SLK: variants seen among roughly 807,000 people sequenced by gnomAD.
The protein encoded by SLK is STE20-like serine/threonine-protein kinase.
SLK carries 67 observed loss-of-function variants against 147.7 expected under a neutral mutation model. That is an observed-to-expected ratio of 0.45 (90% CI 0.37 to 0.56). The LOEUF (loss-of-function observed/expected upper bound fraction) is 0.56, where lower values mean the gene tolerates loss of function less well. Among genes scored for constraint, SLK ranks in the 20% least tolerant of loss-of-function variants. The pLI is 0.00. For synonymous variants in SLK, 441 were observed against 475.0 expected (o/e 0.93, Z 0.93); for missense variants, 1,136 against 1,438.8 (o/e 0.79, Z 3.41).
rs758182993 is a variant in SLK at position 104,025,751 on chromosome 10, C to G, written c.*31C>G. ...GGAAGCATTCTGTGCGTGGGTTTGG[C>G]TCTTTCAGTATGTCATTCTGTTCTC... On this transcript the variant is annotated 3_prime_UTR_variant, in exon 19 of 19. Coordinates refer to ENST00000369755, the MANE Select transcript of SLK (RefSeq NM_014720.4). 1.9e-6 allele frequency: 3 copies of G among 1,602,684 alleles called. No individual in the cohort carries two copies. The African/African-American group carries it at 4.0e-5, about 21-fold the overall frequency.
At chr10:104,016,145 C>T (rs996966503) in intron 13 of SLK, among the ~76,000 whole-genome samples, 16 of 152,028 alleles carry the variant, frequency 1.1e-4, no homozygotes, top group South Asian at 2.1e-4. Context: ...GGTGAAACCC[C>T]GTCTCTACTA....
intron 1 of SLK, among the ~76,000 whole-genome samples, chr10:103,968,116 A>G (rs4917407): frequency 0.84 from 127,334 of 152,196 alleles, 53,370 homozygotes; most frequent in East Asian, 0.9. Context: ...CGATTGGAAA[A>G]GGAGACAGGG....
chr10:104,000,365 A>G (rs1844229468), intron 7 of SLK, among the ~76,000 whole-genome samples: 1 of 152,240 alleles, frequency 6.6e-6, no homozygotes, highest in Non-Finnish European at 1.5e-5. Context: ...CTTGTAATAT[A>G]TTAATTAAAA....
At chr10:104,008,116 A>G in intron 11 of SLK, 61 bp from the exon 12 acceptor site, 1 of 1,253,520 alleles carries the variant, frequency 8.0e-7, no homozygotes, top group South Asian at 1.4e-5. Context: ...AAACATCTTT[A>G]CTATAAGGTA....
intron 11 of SLK, 79 bp from the exon 12 acceptor site, chr10:104,008,098 C>A: frequency 2.7e-6 from 3 of 1,100,792 alleles, no homozygotes; most frequent in Non-Finnish European, 3.9e-6. Flanking sequence ...TAGTTATGTT[C>A]TCTTAGGAAA....
intron 8 of SLK, 38 bp downstream of exon 8, chr10:104,001,610 A>G (rs1233608028): frequency 1.2e-6 from 2 of 1,609,088 alleles, no homozygotes; most frequent in Non-Finnish European, 1.7e-6. Context: ...TAGTGAATAG[A>G]GTTCGGTTTT....
At chr10:103,968,507 A>T (rs1375467050) in intron 1 of SLK, among the ~76,000 whole-genome samples, 1 of 152,252 alleles carries the variant, frequency 6.6e-6, no homozygotes, top group Non-Finnish European at 1.5e-5. Flanking sequence ...AGAAGTCAGT[A>T]TCAGCGCTTA....
Position 104,002,777 on chromosome 10 carries a change from A to G in SLK, c.1599A>G (p.Glu533=), listed in dbSNP as rs749056305. The G allele has an allele frequency of 6.2e-7, 1 of 1,614,112 alleles. No individual in the cohort carries two copies. Among genetic ancestry groups the G allele is most frequent in the Non-Finnish European group, 8.5e-7 (1 of 1,180,042 alleles). ...TKEDTQEKLG[E]DDKTQKDVIS... ...AAGACACCCAAGAGAAATTGGGGGA[A>G]GACGACAAAACTCAAAAAGATGTGA... Residue 533 remains glutamate, a synonymous_variant, in exon 9 of 19, where the codon GAA becomes GAG. Coordinates refer to ENST00000369755, the MANE Select transcript of SLK (RefSeq NM_014720.4).
In SLK at chr10:103,974,655, C is replaced by CTTTTTTTTTTTTTTTTTT. The variant is rs568337016; in HGVS notation, c.150+6773_150+6774insTTTTTTTTTTTTTTTTTT. ...AAAAAAAAAAAGTTCATCTTTTGGC[C>CTTTTTTTTTTTTTTTTTT]TTTTTTTTTTTTTGAGATGGAGTCT... On this transcript the variant is annotated intron_variant, in intron 1 of 18. Transcript: ENST00000369755. 16 of 30,178 alleles carry CTTTTTTTTTTTTTTTTTT rather than the reference C, an allele frequency of 5.3e-4. 6 individuals are homozygous for CTTTTTTTTTTTTTTTTTT. The highest frequency in any genetic ancestry group is 4.5e-3 in the East Asian group (2 of 442). The allele number at this position is 30,178 out of a possible 1,614,324, so 1.9% of individuals were successfully genotyped here.
chr10:104,014,669 G>A (rs10491048), intron 13 of SLK, among the ~76,000 whole-genome samples: 3,057 of 152,102 alleles, frequency 0.02, 67 homozygotes, highest in South Asian at 0.11. Flanking sequence ...TATACAAATA[G>A]CCCAATATAT....
At chr10:103,976,797 G>A (rs912689066) in intron 1 of SLK, among the ~76,000 whole-genome samples, 13 of 152,076 alleles carry the variant, frequency 8.5e-5, no homozygotes, top group Non-Finnish European at 1.8e-4. Context: ...ACTTGCTTTC[G>A]GAATGGCTCT....
chr10:104,008,774 C>G (rs1324122014), intron 12 of SLK, among the ~76,000 whole-genome samples: 2 of 152,182 alleles, frequency 1.3e-5, no homozygotes, highest in Non-Finnish European at 2.9e-5. Context: ...TTGCCAGTGG[C>G]AGCAGTGATT....
intron 14 of SLK, 74 bp downstream of exon 14, chr10:104,018,363 T>C (rs1844490539): frequency 3.6e-6 from 5 of 1,394,046 alleles, no homozygotes; most frequent in Non-Finnish European, 4.9e-6. Flanking sequence ...TGTAAACATA[T>C]AACCCTTAAA....
intron 1 of SLK, among the ~76,000 whole-genome samples, chr10:103,970,392 G>A (rs1843777037): frequency 6.6e-6 from 1 of 152,104 alleles, no homozygotes; most frequent in Admixed American, 6.5e-5. Context: ...AAGAACAAGA[G>A]TCTTATTTCA....
rs910694609 is a variant in SLK, at chr10:103,994,397, T to C, written c.514+1264T>C. Among the ~76,000 whole-genome samples, 8 of 152,220 alleles carry C rather than the reference T, an allele frequency of 5.3e-5. 1 individual carries two copies. In the East Asian group the frequency reaches 1.5e-3, roughly 29 times the overall value. Reference sequence around the variant, plus strand: ...TTATTTCCTTCCTTGTGTTTCTTTATGGCTTAGTCACCCAGTATTCATCTC... The same window carrying C: ...TTATTTCCTTCCTTGTGTTTCTTTACGGCTTAGTCACCCAGTATTCATCTC... On this transcript the variant is annotated intron_variant, in intron 4 of 18. Coordinates refer to ENST00000369755, the MANE Select transcript of SLK (RefSeq NM_014720.4).
intron 7 of SLK, among the ~76,000 whole-genome samples, chr10:104,000,885 C>G (rs1275635306): frequency 6.6e-6 from 1 of 151,798 alleles, no homozygotes; most frequent in Admixed American, 6.6e-5. Context: ...TAGTGAAACC[C>G]TGTCTCTACT....
chr10:103,992,616 G>A lies in SLK; in HGVS notation c.334G>A (p.Ala112Thr). The change falls in exon 3 of 19, where the codon GCA becomes ACA. Residue 112 changes from alanine (A) to threonine (T), a missense_variant. By Grantham distance (58) the Ala-to-Thr change is moderately conservative. Transcript: ENST00000369755. ...CATGCAGATCCTCATTGAATTTTGT[G>A]CAGGTGGAGCAGTAGATGCTGTGAT... ...NNLWILIEFC[A>T]GGAVDAVMLE... The A allele has an allele frequency of 8.6e-7, 1 of 1,162,278 alleles. No individual in the cohort carries two copies. The highest frequency in any genetic ancestry group is 2.9e-5 in the Admixed American group (1 of 34,896). 72.0% of individuals were successfully genotyped at this position (1,162,278 alleles called of 1,614,324 possible).
At chr10:104,001,358 C>T in intron 7 of SLK, 86 bp from the exon 8 acceptor site, 1 of 1,032,366 alleles carries the variant, frequency 9.7e-7, no homozygotes, top group Non-Finnish European at 1.4e-6. Context: ...ATATTTTTTA[C>T]CACATAAGAA....
At chr10:104,018,041 G>C in intron 13 of SLK, 119 bp from the exon 14 acceptor site, 3 of 723,500 alleles carry the variant, frequency 4.1e-6, no homozygotes, top group Non-Finnish European at 6.6e-6. Flanking sequence ...TTAAAATCCA[G>C]CTAACTTTGC....
Sources: allele counts gnomAD v4.1 joint callset (sites outside exome capture counted in the v4.1 genomes callset), GRCh38; gene constraint gnomAD v4.1.1; transcripts MANE v1.5; gene names NCBI Gene and HGNC (gene_info 2026-07-23, HGNC 2026-07-21).